BRDT: variants seen among roughly 807,000 people sequenced by gnomAD.
The protein encoded by BRDT is bromodomain testis-specific protein.
A neutral mutation model predicts 113.9 loss-of-function variants in BRDT; 77 were observed. The observed-to-expected ratio is 0.68, with a 90% CI of 0.56 to 0.82. The LOEUF is 0.82. Ranked by LOEUF, BRDT falls within the 40% of genes least tolerant of loss-of-function variation. The pLI, the probability that BRDT is intolerant of heterozygous loss-of-function variation, is 0.00. For synonymous variants in BRDT, 358 were observed against 366.5 expected (o/e 0.98, Z 0.26); for missense variants, 1,027 against 1,105.4 (o/e 0.93, Z 1.01).
chr1:91,967,678 G>A (rs947856487), intron 3 of BRDT, among the ~76,000 whole-genome samples: 5 of 152,076 alleles, frequency 3.3e-5, no homozygotes, highest in African/African-American at 9.7e-5. Context: ...GATTGTAGGC[G>A]TGAGCCACCG....
chr1:91,954,893 C>G (rs990458940), intron 1 of BRDT, among the ~76,000 whole-genome samples: 3 of 151,980 alleles, frequency 2.0e-5, no homozygotes, highest in Admixed American at 2.0e-4. Context: ...AGCCCGAGAT[C>G]GAGGCTTCAG....
chr1:91,961,461 C>G (rs1201745414), intron 1 of BRDT, among the ~76,000 whole-genome samples: 4 of 152,006 alleles, frequency 2.6e-5, no homozygotes, highest in African/African-American at 9.7e-5. Context: ...GAAACCCTGT[C>G]TCTACAAAAA....
At chr1:92,010,537 T>C (rs1055225133) in intron 18 of BRDT, among the ~76,000 whole-genome samples, 3 of 152,156 alleles carry the variant, frequency 2.0e-5, no homozygotes, top group Non-Finnish European at 2.9e-5. Context: ...TCTGCCTGCC[T>C]CTGCCTCCCA....
chr1:91,997,627 A>C (rs1217531863), intron 15 of BRDT, among the ~76,000 whole-genome samples: 1 of 152,240 alleles, frequency 6.6e-6, no homozygotes. Flanking sequence ...ATGAAAAGTC[A>C]GGCTTTTAAT....
intron 12 of BRDT, among the ~76,000 whole-genome samples, chr1:91,990,392 A>G (rs112540922): frequency 0.013 from 2,019 of 152,336 alleles, 35 homozygotes; most frequent in African/African-American, 0.037. Flanking sequence ...ACTTTTAATA[A>G]AAGACTGTAT....
intron 1 of BRDT, among the ~76,000 whole-genome samples, chr1:91,951,544 C>A (rs945136589): frequency 1.3e-5 from 2 of 151,934 alleles, no homozygotes; most frequent in Non-Finnish European, 2.9e-5. Context: ...CGCCTGTAAT[C>A]CCAGCACTTT....
chr1:91,951,634 C>T (rs1292565599), intron 1 of BRDT, among the ~76,000 whole-genome samples: 3 of 149,756 alleles, frequency 2.0e-5, no homozygotes, highest in Non-Finnish European at 4.4e-5. Context: ...ATTAGCCGGG[C>T]GTGGTGGCAC....
At chr1:91,960,074 A>C (rs565947291) in intron 1 of BRDT, among the ~76,000 whole-genome samples, 43 of 152,340 alleles carry the variant, frequency 2.8e-4, no homozygotes, top group Non-Finnish European at 4.8e-4. Context: ...GTGTGGAGAA[A>C]TTGAACTCTT....
At chr1:91,962,144 C>CAAAAAAA (rs555326698) in intron 1 of BRDT, among the ~76,000 whole-genome samples, 2 of 65,076 alleles carry the variant, frequency 3.1e-5, no homozygotes, top group African/African-American at 1.2e-4. Context: ...GACTCCGTCT[C>CAAAAAAA]AAAAAAAAAA....
intron 7 of BRDT, among the ~76,000 whole-genome samples, chr1:91,979,173 G>A (rs1684475528): frequency 6.7e-6 from 1 of 150,038 alleles, no homozygotes; most frequent in Non-Finnish European, 1.5e-5. Flanking sequence ...GAGTGTAGTG[G>A]CGCAATCTTG....
chr1:91,980,621 C>A (rs774124576), intron 8 of BRDT, 22 bp from the exon 9 acceptor site: 82 of 1,358,090 alleles, frequency 6.0e-5, no homozygotes, highest in Non-Finnish European at 6.7e-5. Flanking sequence ...TGAATGTTTA[C>A]AGATTTTTTT....
intron 1 of BRDT, among the ~76,000 whole-genome samples, chr1:91,962,142 CTCAAAAAAAAAAAAAAAAAAAAAA>C: frequency 1.8e-5 from 1 of 54,622 alleles, no homozygotes; most frequent in South Asian, 8.7e-4. Context: ...AAGACTCCGT[CTCAAAAAAAAAAAAAAAAAAAAAA>C]AAAAAAAAAA....
intron 2 of BRDT, among the ~76,000 whole-genome samples, chr1:91,964,083 CAG>C (rs1473359034): frequency 1.3e-5 from 2 of 151,882 alleles, no homozygotes; most frequent in African/African-American, 4.8e-5. Context: ...TTTTTTGAGA[CAG>C]AGTCTCGCTC....
intron 1 of BRDT, among the ~76,000 whole-genome samples, chr1:91,951,638 G>A (rs1204208922): frequency 2.0e-5 from 3 of 150,446 alleles, no homozygotes; most frequent in East Asian, 4.0e-4. Context: ...GCCGGGCGTG[G>A]TGGCACGCGC....
chr1:91,979,543 C>A (rs765902060), intron 7 of BRDT, 26 bp from the exon 8 acceptor site: 52 of 1,590,206 alleles, frequency 3.3e-5, no homozygotes, highest in Non-Finnish European at 4.4e-5. Flanking sequence ...TACAGAAAAC[C>A]ATAACAAACT....
chr1:91,981,541 G>A (rs1181238462), intron 11 of BRDT, 77 bp from the exon 12 acceptor site: 2 of 1,583,084 alleles, frequency 1.3e-6, no homozygotes. Flanking sequence ...ACCATGCCCA[G>A]CCTAGGTGGC....
intron 12 of BRDT, among the ~76,000 whole-genome samples, 155 bp from the exon 13 acceptor site, chr1:91,991,029 C>T (rs536766083): frequency 1.3e-5 from 2 of 152,270 alleles, no homozygotes; most frequent in African/African-American, 4.8e-5. Flanking sequence ...CATCTCCTGA[C>T]CTCGTGATCC....
At chr1:91,994,027 T>C (rs1326297610) in intron 14 of BRDT, 56 bp from the exon 15 acceptor site, 1 of 1,387,756 alleles carries the variant, frequency 7.2e-7, no homozygotes, top group African/African-American at 1.5e-5. Flanking sequence ...CTGTTCTCTT[T>C]GGTATACTTC....
At chr1:91,953,813 T>C (rs952648023) in intron 1 of BRDT, among the ~76,000 whole-genome samples, 3 of 152,234 alleles carry the variant, frequency 2.0e-5, no homozygotes, top group Non-Finnish European at 4.4e-5. Flanking sequence ...TTCAACAAAG[T>C]GAACTGAACT....
Sources: gnomAD v4.1 joint callset for allele counts (sites outside exome capture counted in the v4.1 genomes callset) on GRCh38, gnomAD v4.1.1 for gene constraint, MANE v1.5 for transcripts, NCBI Gene and HGNC (gene_info 2026-07-23, HGNC 2026-07-21) for gene names.